STK3: variants seen among roughly 807,000 people sequenced by gnomAD.
The protein encoded by STK3 is serine/threonine-protein kinase 3.
STK3 carries 41 observed loss-of-function variants against 58.0 expected under a neutral mutation model. The observed-to-expected ratio is 0.71, with a 90% CI of 0.55 to 0.92. The LOEUF (loss-of-function observed/expected upper bound fraction) is 0.92, where lower values mean the gene tolerates loss of function less well. Ranked by LOEUF, STK3 falls within the 40% of genes least tolerant of loss-of-function variation. The probability of loss-of-function intolerance (pLI) is 0.00; values close to 1 mark genes in which losing one functional copy is unlikely to be tolerated. For synonymous variants in STK3, 170 were observed against 191.0 expected (o/e 0.89, Z 0.91); for missense variants, 479 against 602.7 (o/e 0.79, Z 2.15).
In STK3 at chr8:98,800,350, G is replaced by A. The variant is rs1360459728; in HGVS notation, c.26+25165C>T. On this transcript the variant is annotated intron_variant, in intron 1 of 10. Transcript: ENST00000419617. This position sits in a 1 kb window ranked among gnomAD's most constrained non-coding sequence, Gnocchi z 4.8. ...CTTCAAAGCCCCTATCCAGCAGGAAGTAGTTAGAGCGGTCATCGGCCAAAT... is the reference window on the plus strand; with the variant it reads ...CTTCAAAGCCCCTATCCAGCAGGAAATAGTTAGAGCGGTCATCGGCCAAAT... 1.3e-5 allele frequency among the ~76,000 whole-genome samples: 2 copies of A among 152,254 alleles called. No individual in the cohort carries two copies. Among genetic ancestry groups the A allele is most frequent in the African/African-American group, 4.8e-5 (2 of 41,472 alleles).
At chr8:98,433,962 C>T (rs1300807369) in intron 3 of STK3, among the ~76,000 whole-genome samples, 1 of 152,220 alleles carries the variant, frequency 6.6e-6, no homozygotes, top group Non-Finnish European at 1.5e-5. Flanking sequence ...AGAGGAAAAT[C>T]AATAAGATCC....
At chr8:98,412,512 T>C (rs1255330087) in intron 3 of STK3, among the ~76,000 whole-genome samples, 2 of 152,242 alleles carry the variant, frequency 1.3e-5, no homozygotes. Context: ...CCAACTTGAT[T>C]GCCAACCTTA....
intron 1 of STK3, among the ~76,000 whole-genome samples, chr8:98,387,409 A>G (rs776156661): frequency 2.6e-5 from 4 of 152,214 alleles, no homozygotes; most frequent in African/African-American, 9.7e-5. Context: ...TGAGTCCATG[A>G]TGTATTTTCT....
chr8:98,639,064 C>G (rs375909268), intron 6 of STK3, among the ~76,000 whole-genome samples: 2 of 151,382 alleles, frequency 1.3e-5, no homozygotes, highest in East Asian at 3.9e-4. Flanking sequence ...AATAGTTATA[C>G]TAGTCTGTAG....
intron 3 of STK3, among the ~76,000 whole-genome samples, chr8:98,875,884 T>C (rs1338301348): frequency 6.6e-6 from 1 of 152,044 alleles, no homozygotes; most frequent in Non-Finnish European, 1.5e-5. Flanking sequence ...GAGATAGGGG[T>C]AGGATAATGT....
intron 10 of STK3, among the ~76,000 whole-genome samples, chr8:98,475,273 G>A (rs1821221610): frequency 6.6e-6 from 1 of 152,160 alleles, no homozygotes; most frequent in African/African-American, 2.4e-5. Flanking sequence ...TCATGCACCT[G>A]AAAGTCCTGT....
chr8:98,611,302 A>C (rs1817174914), intron 6 of STK3, among the ~76,000 whole-genome samples: 1 of 152,174 alleles, frequency 6.6e-6, no homozygotes, highest in African/African-American at 2.4e-5. Context: ...ATATATGAAG[A>C]ACAAAAAAGA....
chr8:98,825,419 G>A, intron 1 of STK3, 96 bp downstream of exon 1: 7 of 1,169,080 alleles, frequency 6.0e-6, no homozygotes, highest in African/African-American at 1.7e-5. Context: ...GGCCCGGCGG[G>A]CGGGGAGAGG....
chr8:98,932,014 C>G (rs550030105), intron 1 of STK3, among the ~76,000 whole-genome samples: 1 of 152,150 alleles, frequency 6.6e-6, no homozygotes, highest in South Asian at 2.1e-4. Context: ...AGTCAGATAC[C>G]GAAGCCAGAT....
intron 6 of STK3, among the ~76,000 whole-genome samples, chr8:98,650,810 C>A (rs1563846923): frequency 6.6e-6 from 1 of 152,236 alleles, no homozygotes; most frequent in Admixed American, 6.5e-5. Context: ...ATTGCCCAGG[C>A]TTGCTTAGGT....
chr8:98,454,207 C>T (rs1221838356), downstream of STK3, among the ~76,000 whole-genome samples: 1 of 152,176 alleles, frequency 6.6e-6, no homozygotes, highest in Admixed American at 6.5e-5. Context: ...AACTCATCAG[C>T]TTTTCCTGTT....
chr8:98,923,521 C>T (rs1304606400), intron 1 of STK3, among the ~76,000 whole-genome samples: 1 of 152,106 alleles, frequency 6.6e-6, no homozygotes, highest in Admixed American at 6.6e-5. Flanking sequence ...CAGAAGAAAT[C>T]ATGAAAACAA....
At chr8:98,522,762 T>C (rs184405666) in intron 10 of STK3, among the ~76,000 whole-genome samples, 8 of 152,246 alleles carry the variant, frequency 5.3e-5, no homozygotes, top group Admixed American at 3.9e-4. Flanking sequence ...TGAATTTGAC[T>C]ATTATAGGTA....
At chr8:98,461,353 C>G (rs1819958673) in intron 10 of STK3, among the ~76,000 whole-genome samples, 1 of 152,042 alleles carries the variant, frequency 6.6e-6, no homozygotes, top group African/African-American at 2.4e-5. Context: ...CTTCTTCTAC[C>G]CCTTTGAGTC....
rs186523371 is a variant in STK3, at chr8:98,477,374, A to C, written c.1318-21374T>G. 1.0e-3 allele frequency among the ~76,000 whole-genome samples: 159 copies of C among 152,140 alleles called. 1 individual carries two copies. The highest frequency in any genetic ancestry group is 2.8e-3 in the Admixed American group (43 of 15,292). ...TTCTTAGGCCTAGCTGAAATACCCC[A>C]AAAACTGGTAAAGGTACAATTTCAC... On this transcript the variant is annotated intron_variant, in intron 10 of 10. Transcript: ENST00000419617.
At chr8:98,500,977 A>G (rs907189742) in intron 10 of STK3, among the ~76,000 whole-genome samples, 5 of 152,216 alleles carry the variant, frequency 3.3e-5, no homozygotes, top group African/African-American at 9.7e-5. Context: ...TCCTTGAGGA[A>G]TCGCCACACT....
intron 1 of STK3, among the ~76,000 whole-genome samples, chr8:98,936,142 T>C (rs773862622): frequency 1.2e-4 from 18 of 152,098 alleles, no homozygotes; most frequent in Admixed American, 5.9e-4. Flanking sequence ...ATGGTCTCGA[T>C]CTCCTAAGCT....
At chr8:98,734,941 C>CA (rs954813997) in intron 4 of STK3, among the ~76,000 whole-genome samples, 1 of 151,588 alleles carries the variant, frequency 6.6e-6, no homozygotes, top group African/African-American at 2.4e-5. Flanking sequence ...TAAAATTAAG[C>CA]AAAAAATTAA....
intron 10 of STK3, among the ~76,000 whole-genome samples, chr8:98,472,855 C>CAAAATA (rs2131233861): frequency 6.6e-6 from 1 of 151,948 alleles, no homozygotes; most frequent in South Asian, 2.1e-4. Flanking sequence ...ACCCACATAA[C>CAAAATA]AAAATAAAAA....
Sources: gnomAD v4.1 joint callset for allele counts (sites outside exome capture counted in the v4.1 genomes callset) on GRCh38, gnomAD v4.1.1 for gene constraint, Gnocchi (gnomAD v3.1) non-coding constraint, MANE v1.5 for transcripts, NCBI Gene and HGNC (gene_info 2026-07-23, HGNC 2026-07-21) for gene names.